The following ASB2 variants were observed in gnomAD, a reference collection of about 807,000 sequenced individuals.
The protein encoded by ASB2 is ankyrin repeat and SOCS box containing 2, also known as ankyrin repeat and SOCS box protein 2.
Under a neutral mutation model 62.4 loss-of-function variants are expected in ASB2, and 58 were observed. The ratio of observed to expected loss-of-function variants is 0.93; its 90% CI spans 0.75 to 1.16. The LOEUF (loss-of-function observed/expected upper bound fraction) is 1.16, where lower values mean the gene tolerates loss of function less well. Among genes scored for constraint, ASB2 ranks in the 50% most tolerant of loss-of-function variants. The pLI is 0.00. For missense variants in ASB2, 928 were observed against 887.9 expected (o/e 1.05, Z -0.57); for synonymous variants, 386 against 385.3 (o/e 1.00, Z -0.02).
chr14:93,965,769 T>C (rs1250090806), intron 1 of ASB2, among the ~76,000 whole-genome samples: 2 of 152,172 alleles, frequency 1.3e-5, no homozygotes, highest in African/African-American at 2.4e-5. Flanking sequence ...TTGATATGGG[T>C]CTCAATATGC....
intron 2 of ASB2, among the ~76,000 whole-genome samples, chr14:93,961,116 G>A (rs1889396443): frequency 6.6e-6 from 1 of 152,204 alleles, no homozygotes; most frequent in African/African-American, 2.4e-5. Context: ...TGGTGCTGGA[G>A]CACTCAGACA....
At chr14:93,972,177 TG>T (rs1160563869) in intron 1 of ASB2, among the ~76,000 whole-genome samples, 1 of 151,628 alleles carries the variant, frequency 6.6e-6, no homozygotes, top group African/African-American at 2.4e-5. Flanking sequence ...TGGGCTAGCC[TG>T]GGGACACACG....
Position 93,965,963 on chromosome 14 carries a change from C to T in ASB2, c.-73-1351G>A, listed in dbSNP as rs1416964572. On this transcript the variant is annotated intron_variant, in intron 1 of 9. Coordinates refer to ENST00000555019, the MANE Select transcript of ASB2 (RefSeq NM_001202429.2). ...CCCGGGCACCTGAGCCCAACCTCCT[C>T]AGAGGAGCCTTCTCCTTCTTCAAGG... 3.9e-5 allele frequency among the ~76,000 whole-genome samples: 6 copies of T among 152,264 alleles called. No homozygotes were observed. In the East Asian group the frequency reaches 9.6e-4, roughly 24 times the overall value.
At chr14:93,954,230 T>C in intron 4 of ASB2, 87 bp downstream of exon 4, 1 of 1,045,166 alleles carries the variant, frequency 9.6e-7, no homozygotes, top group Non-Finnish European at 1.4e-6. Flanking sequence ...AAGATGATTG[T>C]GGGCAAAGAA....
intron 2 of ASB2, chr14:93,957,317 G>T: frequency 9.4e-7 from 1 of 1,064,616 alleles, no homozygotes; most frequent in Non-Finnish European, 1.1e-6. Context: ...CAGAGGATAG[G>T]GGAGCAAAGC....
In ASB2 at chr14:93,939,336, G is replaced by A. The variant is rs753466886; in HGVS notation, c.1389C>T (p.His463=). 1.7e-5 allele frequency: 28 copies of A among 1,611,020 alleles called. No individual in the cohort carries two copies. The South Asian group carries it at 2.7e-4, about 16-fold the overall frequency. ...CLRTMQLLLD[H]GANIDAYIAT... is the part of the protein sequence containing the mutation. Reference sequence around the variant, plus strand: ...CGATATAGGCGTCGATGTTCGCGCCGTGGTCCAGCAGCAGCTGCATTGTGC... The same window carrying A: ...CGATATAGGCGTCGATGTTCGCGCCATGGTCCAGCAGCAGCTGCATTGTGC... Residue 463 remains histidine, a synonymous_variant, in exon 8 of 10, where the codon CAC becomes CAT. Coordinates refer to ENST00000555019, the MANE Select transcript of ASB2 (RefSeq NM_001202429.2).
chr14:93,949,202 A>G (rs1038066996), intron 6 of ASB2, among the ~76,000 whole-genome samples: 4 of 152,194 alleles, frequency 2.6e-5, no homozygotes, highest in African/African-American at 9.7e-5. Flanking sequence ...TGCTAACCAC[A>G]GGTCATCTCT....
chr14:93,946,267 C>T (rs930231805), intron 7 of ASB2, among the ~76,000 whole-genome samples: 5 of 152,282 alleles, frequency 3.3e-5, no homozygotes, highest in South Asian at 4.1e-4. Context: ...CGGGTTGACC[C>T]GCATACCCGC....
At position 93,951,202 on chromosome 14, in the gene ASB2, T is replaced by C; in HGVS notation, c.677A>G (p.Gln226Arg). Reference protein sequence around the residue: ...KNAEAVKILVQHNADTNHRCN... With the variant: ...KNAEAVKILVRHNADTNHRCN... The stretch of plus-strand genomic sequence containing the variant: ...GCGGTGGTTGGTGTCTGCATTGTGC[T>C]GCACCAGAATCTTCACGGCCTCCGC... The change falls in exon 6 of 10, where the codon CAG (glutamine) becomes CGG (arginine). Residue 226 changes from glutamine to arginine, a missense_variant. Transcript: ENST00000555019. 1 of 1,610,822 alleles carries C rather than the reference T, an allele frequency of 6.2e-7. No homozygotes were observed. Among genetic ancestry groups the C allele is most frequent in the Non-Finnish European group, 8.5e-7 (1 of 1,178,410 alleles).
intron 8 of ASB2, among the ~76,000 whole-genome samples, chr14:93,938,883 TCCAAAGCGC>T (rs1888381114): frequency 6.6e-6 from 1 of 152,144 alleles, no homozygotes; most frequent in Non-Finnish European, 1.5e-5. Context: ...CAAAGCTCCC[TCCAAAGCGC>T]CCTAAGCGCT....
chr14:93,964,034 T>C (rs573913093), intron 2 of ASB2, among the ~76,000 whole-genome samples: 16 of 152,312 alleles, frequency 1.1e-4, no homozygotes, highest in African/African-American at 3.6e-4. Context: ...ACTGGCTATG[T>C]GACCTCGGGC....
intron 1 of ASB2, among the ~76,000 whole-genome samples, chr14:93,965,355 G>C (rs1889555689): frequency 6.6e-6 from 1 of 152,250 alleles, no homozygotes; most frequent in Non-Finnish European, 1.5e-5. Context: ...CAAGAGCATA[G>C]ATCCTGGCAT....
Position 93,954,482 on chromosome 14 carries a change from G to A in ASB2, c.313C>T (p.Pro105Ser). ...SSLFKTSQLA[P>S]ADPLIKAIKD... ...ATGGCCTTTATCAAGGGGTCCGCAG[G>A]CCTGTGAGAGGAAGGAGTGGGTCAG... The change falls in exon 4 of 10, where the codon CCT becomes TCT. Residue 105 changes from proline to serine, a missense_variant and splice_region_variant. Pro to Ser is a moderately conservative substitution (Grantham distance 74). Transcript: ENST00000555019. The A allele has an allele frequency of 6.2e-7, 1 of 1,614,106 alleles. No individual in the cohort carries two copies. Among genetic ancestry groups the A allele is most frequent in the African/African-American group, 1.3e-5 (1 of 75,060 alleles).
In ASB2 at chr14:93,955,851, C is replaced by T. The variant is rs187028403; in HGVS notation, c.311+915G>A. On this transcript the variant is annotated intron_variant, in intron 3 of 9. Transcript: ENST00000555019. ...TAGAGGTCACGTTGCCCTCTCCAGC[C>T]GTGTCCTGCAGAGAAGGGAGACTCA... 8.5e-4 allele frequency among the ~76,000 whole-genome samples: 129 copies of T among 152,214 alleles called. 1 individual carries two copies. The highest frequency in any genetic ancestry group is 2.1e-3 in the Admixed American group (32 of 15,294).
At chr14:93,936,000 C>T (rs1291621669) in intron 9 of ASB2, among the ~76,000 whole-genome samples, 1 of 152,196 alleles carries the variant, frequency 6.6e-6, no homozygotes, top group Admixed American at 6.5e-5. Flanking sequence ...TAATTAATTA[C>T]AGGCATTGAG....
Position 93,939,150 on chromosome 14 carries a change from G to A in ASB2, c.1575C>T (p.Phe525=). 2.5e-6 allele frequency: 4 copies of A among 1,576,638 alleles called. No individual in the cohort carries two copies. The highest frequency in any genetic ancestry group is 3.5e-6 in the Non-Finnish European group (4 of 1,157,620). ...CCTTGTCGGCCGCGGGCGCGTCGTTGAACCTGCTGGAGGGCTGCGGGGCCG... is the reference window on the plus strand; with the variant it reads ...CCTTGTCGGCCGCGGGCGCGTCGTTAAACCTGCTGGAGGGCTGCGGGGCCG... The part of the protein sequence containing the change: ...HPPAPQPSSR[F]NDAPAADKEP... Residue 525 remains phenylalanine, a synonymous_variant, in exon 8 of 10, where the codon TTC becomes TTT. Coordinates refer to ENST00000555019, the MANE Select transcript of ASB2 (RefSeq NM_001202429.2).
chr14:93,957,111 A>G (rs1889253038), intron 2 of ASB2: 2 of 1,407,322 alleles, frequency 1.4e-6, no homozygotes, highest in Admixed American at 6.2e-5. Context: ...ATATAAGACA[A>G]CAATGAGGTT....
chr14:93,973,706 C>T (rs947495811), intron 1 of ASB2, among the ~76,000 whole-genome samples: 8 of 152,246 alleles, frequency 5.3e-5, no homozygotes, highest in African/African-American at 9.6e-5. Flanking sequence ...TGGCCCCTCC[C>T]CGCATCTGTG....
At chr14:93,964,684 G>T (rs1889529328) in intron 1 of ASB2, 72 bp from the exon 2 acceptor site, 3 of 716,240 alleles carry the variant, frequency 4.2e-6, no homozygotes, top group South Asian at 1.7e-5. Context: ...TCAGGGAAGG[G>T]TATGCATTTC....
Sources: gnomAD v4.1 joint callset for allele counts (sites outside exome capture counted in the v4.1 genomes callset) on GRCh38, gnomAD v4.1.1 for gene constraint, MANE v1.5 for transcripts, NCBI Gene and HGNC (gene_info 2026-07-23, HGNC 2026-07-21) for gene names.